The following SLC27A3 variants were observed in gnomAD, a reference collection of about 807,000 sequenced individuals.
The protein encoded by SLC27A3 is long-chain fatty acid transport protein 3.
Under a neutral mutation model 60.1 loss-of-function variants are expected in SLC27A3, and 60 were observed. The observed-to-expected ratio is 1.00, with a 90% CI of 0.81 to 1.24. The LOEUF is 1.24. SLC27A3 is among the 50% of genes most tolerant of loss of function. The probability of loss-of-function intolerance (pLI) is 0.00; values close to 1 mark genes in which losing one functional copy is unlikely to be tolerated. For synonymous variants in SLC27A3, 455 were observed against 409.0 expected, an observed-to-expected ratio of 1.11 and a Z score of -1.36; for missense variants, 1,079 against 929.9, an observed-to-expected ratio of 1.16 and a Z score of -2.09.
Position 153,778,252 on chromosome 1 carries a change from C to T in SLC27A3, c.1253C>T (p.Pro418Leu), listed in dbSNP as rs1673336805. 1 of 1,614,084 alleles carries T rather than the reference C, an allele frequency of 6.2e-7. No homozygotes were observed. The highest frequency in any genetic ancestry group is 1.7e-5 in the Admixed American group (1 of 60,030). ...GAGCGTTTTGTGCGGCGCTTCGGGC[C>T]CCTGCAGGTGCTGGAGACATATGGA... The part of the protein sequence containing the change: ...TWERFVRRFG[P>L]LQVLETYGLT... The change falls in exon 5 of 10, where the codon CCC becomes CTC. Residue 418 changes from proline to leucine, a missense_variant. Pro to Leu is a moderately conservative substitution (Grantham distance 98). Coordinates refer to ENST00000624995, the MANE Select transcript of SLC27A3 (RefSeq NM_024330.4).
At chr1:153,778,052 T>G in intron 4 of SLC27A3, 109 bp from the exon 5 acceptor site, 1 of 1,474,748 alleles carries the variant, frequency 6.8e-7, no homozygotes, top group South Asian at 1.3e-5. Flanking sequence ...TTACGGCCTC[T>G]GAAGGAGGTC....
chr1:153,779,651 C>T (rs1673437747), intron 9 of SLC27A3, 175 bp from the exon 10 acceptor site: 3 of 926,270 alleles, frequency 3.2e-6, no homozygotes, highest in African/African-American at 3.3e-5. Flanking sequence ...CACTTCTTTC[C>T]TTATCCCTGC....
In SLC27A3 at chr1:153,776,535, G is replaced by C; in HGVS notation, c.685G>C (p.Glu229Gln). Residue 229 changes from glutamate (E) to glutamine (Q), a missense_variant, in exon 2 of 10, where the codon GAG becomes CAG. Coordinates refer to ENST00000624995, the MANE Select transcript of SLC27A3 (RefSeq NM_024330.4). ...VLAPEFLESL[E>Q]PDLPALRAMG... ...CCTTCTAGAGTTTCTGGAGTCCCTG[G>C]AGCCGGACCTGCCCGCCCTGAGAGC... The C allele has an allele frequency of 5.6e-6, 9 of 1,613,990 alleles. No individual in the cohort carries two copies. The South Asian group carries it at 8.8e-5, about 16-fold the overall frequency.
chr1:153,778,525 C>T lies in SLC27A3; in HGVS notation c.1419C>T (p.Pro473=), dbSNP rs1168313648. 6.2e-7 allele frequency: 1 copy of T among 1,614,202 alleles called. No individual in the cohort carries two copies. The highest frequency in any genetic ancestry group is 8.5e-7 in the Non-Finnish European group (1 of 1,180,028). The part of the protein sequence containing the change: ...DVTTGEPIRD[P]QGHCMATSPG... ...CCACAGGAGAGCCAATTCGGGACCC[C>T]CAGGGGCACTGTATGGCCACATCTC... Residue 473 remains proline, a synonymous_variant, in exon 6 of 10, where the codon CCC becomes CCT. Transcript: ENST00000624995.
intron 9 of SLC27A3, 53 bp downstream of exon 9, chr1:153,779,526 A>G (rs1384159053): frequency 1.9e-6 from 3 of 1,577,132 alleles, no homozygotes; most frequent in Non-Finnish European, 2.6e-6. Flanking sequence ...CTCACCCCAC[A>G]TATCCACCCC....
rs141869816 is a variant in SLC27A3, at chr1:153,779,170, A to G, written c.1703A>G (p.Asp568Gly). 5.6e-5 allele frequency: 90 copies of G among 1,613,860 alleles called. 1 individual carries two copies. In the Middle Eastern group the frequency reaches 6.6e-4, roughly 12 times the overall value. ...GTGGCAGAGGTCTTCGAGGCCCTAG[A>G]TTTTCTTCAGGAGGTGAACGTCTAT... ...TEVAEVFEAL[D>G]FLQEVNVYGV... The change falls in exon 8 of 10, where the codon GAT becomes GGT. Residue 568 changes from aspartate (D) to glycine (G), a missense_variant. Transcript: ENST00000624995.
Position 153,775,666 on chromosome 1 carries a change from G to C in SLC27A3, c.169G>C (p.Asp57His), listed in dbSNP as rs1268667788. 2 of 1,533,026 alleles carry C rather than the reference G, an allele frequency of 1.3e-6. No homozygotes were observed. The highest frequency in any genetic ancestry group is 2.4e-5 in the South Asian group (2 of 81,674). 95.0% of individuals were successfully genotyped at this position (1,533,026 alleles called of 1,614,324 possible). Residue 57 changes from aspartate to histidine, a missense_variant, in exon 1 of 10, where the codon GAC (aspartate) becomes CAC (histidine). Physicochemically the swap from Asp to His is moderately conservative, Grantham distance 81. Coordinates refer to ENST00000624995, the MANE Select transcript of SLC27A3 (RefSeq NM_024330.4). ...RARALAAAAA[D>H]PEGPEGGCSL... is the part of the protein sequence containing the mutation. ...TCGCGCCCTGGCCGCGGCTGCCGCCGACCCGGAAGGTCCCGAGGGGGGCTG... is the reference window on the plus strand; with the variant it reads ...TCGCGCCCTGGCCGCGGCTGCCGCCCACCCGGAAGGTCCCGAGGGGGGCTG...
At position 153,775,417 on chromosome 1, in the gene SLC27A3, GC is replaced by G; in HGVS notation, c.-78del. 1 of 1,611,618 alleles carries G rather than the reference GC, an allele frequency of 6.2e-7. No individual in the cohort carries two copies. ...GGAGAAGTCTCAGCTAGAACGAGCG[GC>G]CCTAGGTTTTCGGAAGGGAGGATCA... On this transcript the variant is annotated 5_prime_UTR_variant, in exon 1 of 10. Coordinates refer to ENST00000624995, the MANE Select transcript of SLC27A3 (RefSeq NM_024330.4).
chr1:153,777,714 T>C lies in SLC27A3; in HGVS notation c.1037-47T>C, dbSNP rs78068650. 8.1e-3 allele frequency: 13,074 copies of C among 1,607,394 alleles called. 924 individuals carry two copies. The African/African-American group carries it at 0.15, about 19-fold the overall frequency. ...AAAGAGGGGCTTGGGCTCCCCACTCTGCTCCTAATCTTACCTCCCTTCTTC... is the reference window on the plus strand; with the variant it reads ...AAAGAGGGGCTTGGGCTCCCCACTCCGCTCCTAATCTTACCTCCCTTCTTC... On this transcript the variant is annotated intron_variant, in intron 3 of 9. Transcript: ENST00000624995.
chr1:153,779,435 T>C lies in SLC27A3; in HGVS notation c.1837T>C (p.Leu613=). 6.2e-7 allele frequency: 1 copy of C among 1,613,916 alleles called. No individual in the cohort carries two copies. The highest frequency in any genetic ancestry group is 1.1e-5 in the South Asian group (1 of 91,072). ...GCTCTACACCCACGTGTCTGAGAAC[T>C]TGCCACCTTATGCCCGGCCCCGATT... ...MQLYTHVSEN[L]PPYARPRFLR... The change falls in exon 9 of 10, where the codon TTG becomes CTG. Residue 613 remains leucine, a synonymous_variant. Transcript: ENST00000624995.
Position 153,779,457 on chromosome 1 carries a change from G to A in SLC27A3, c.1859G>A (p.Arg620Gln), listed in dbSNP as rs373742297. 120 of 1,613,114 alleles carry A rather than the reference G, an allele frequency of 7.4e-5. No homozygotes were observed. The highest frequency in any genetic ancestry group is 4.0e-4 in the East Asian group (18 of 44,880). ...SENLPPYARP[R>Q]FLRLQESLAT... ...AACTTGCCACCTTATGCCCGGCCCC[G>A]ATTCCTCAGGCTCCAGGTAACCGGC... Residue 620 changes from arginine to glutamine, a missense_variant, in exon 9 of 10, where the codon CGA (arginine) becomes CAA (glutamine). Physicochemically the swap from Arg to Gln is conservative, Grantham distance 43. Coordinates refer to ENST00000624995, the MANE Select transcript of SLC27A3 (RefSeq NM_024330.4).
At chr1:153,777,624 C>T in intron 3 of SLC27A3, 137 bp from the exon 4 acceptor site, 1 of 1,149,718 alleles carries the variant, frequency 8.7e-7, no homozygotes, top group Non-Finnish European at 1.3e-6. Context: ...GCACGGCTTC[C>T]TGACGGTGTG....
In SLC27A3 at chr1:153,778,858, T is replaced by A. The variant is rs1570902560; in HGVS notation, c.1619T>A (p.Phe540Tyr). 6.2e-7 allele frequency: 1 copy of A among 1,614,170 alleles called. No homozygotes were observed. The highest frequency in any genetic ancestry group is 2.2e-5 in the East Asian group (1 of 44,888). The change falls in exon 7 of 10, where the codon TTC (phenylalanine) becomes TAC (tyrosine). Residue 540 changes from phenylalanine to tyrosine, a missense_variant. By Grantham distance (22) the Phe-to-Tyr change is conservative. Coordinates refer to ENST00000624995, the MANE Select transcript of SLC27A3 (RefSeq NM_024330.4). ...TGCGATGACCAAGGTTTTCTCCGCT[T>A]CCATGATCGTACTGGAGACACCTTC... is the stretch of plus-strand genomic sequence containing the variant. ...LVCDDQGFLR[F>Y]HDRTGDTFRW...
intron 8 of SLC27A3, 35 bp from the exon 9 acceptor site, chr1:153,779,308 A>G (rs578026087): frequency 6.2e-7 from 1 of 1,613,696 alleles, no homozygotes; most frequent in Non-Finnish European, 8.5e-7. Context: ...GTGGTCAGCC[A>G]TGGAGGGGCT....
chr1:153,777,319 G>C, intron 3 of SLC27A3, 99 bp downstream of exon 3: 3 of 1,418,438 alleles, frequency 2.1e-6, no homozygotes, highest in East Asian at 4.6e-5. Context: ...TCTAGAGGAC[G>C]GATGGGGCAG....
Position 153,778,239 on chromosome 1 carries a change from C to G in SLC27A3, c.1240C>G (p.Arg414Gly), listed in dbSNP as rs182081931. Residue 414 changes from arginine (R) to glycine (G), a missense_variant, in exon 5 of 10, where the codon CGG (arginine) becomes GGG (glycine). Physicochemically the swap from Arg to Gly is moderately radical, Grantham distance 125. Transcript: ENST00000624995. The stretch of plus-strand genomic sequence containing the variant: ...CCCAGATACCTGGGAGCGTTTTGTG[C>G]GGCGCTTCGGGCCCCTGCAGGTGCT... ...LRPDTWERFVRRFGPLQVLET... is the reference protein window; with the variant it reads ...LRPDTWERFVGRFGPLQVLET... 17 of 1,613,712 alleles carry G rather than the reference C, an allele frequency of 1.1e-5. No individual in the cohort carries two copies. In the Admixed American group the frequency reaches 2.5e-4, roughly 24 times the overall value.
In SLC27A3 at chr1:153,776,629, A is replaced by C. The variant is rs1391249370; in HGVS notation, c.779A>C (p.Glu260Ala). 5.0e-6 allele frequency: 8 copies of C among 1,614,064 alleles called. No individual in the cohort carries two copies. The East Asian group carries it at 1.8e-4, about 36-fold the overall frequency. Residue 260 changes from glutamate to alanine, a missense_variant, in exon 2 of 10, where the codon GAA (glutamate) becomes GCA (alanine). Transcript: ENST00000624995. ...HPAGISDLLA[E>A]VSAEVDGPVP... The stretch of plus-strand genomic sequence containing the variant: ...GCTGGAATTAGCGATTTGCTGGCTG[A>C]AGTGTCCGCTGAAGTGGATGGGCCA...
At position 153,779,382 on chromosome 1, in the gene SLC27A3, G is replaced by A. The variant is rs772337443; in HGVS notation, c.1784G>A (p.Arg595His). 86 of 1,613,956 alleles carry A rather than the reference G, an allele frequency of 5.3e-5. 1 individual carries two copies. The highest frequency in any genetic ancestry group is 6.7e-5 in the East Asian group (3 of 44,868). ...GCTGGAATGGCAGCCCTAGTTCTGCGTCCCCCCCACGCTTTGGACCTTATG... is the reference window on the plus strand; with the variant it reads ...GCTGGAATGGCAGCCCTAGTTCTGCATCCCCCCCACGCTTTGGACCTTATG... The part of the protein sequence containing the change: ...GRAGMAALVL[R>H]PPHALDLMQL... Residue 595 changes from arginine to histidine, a missense_variant, in exon 9 of 10, where the codon CGT becomes CAT. Arg to His is a conservative substitution (Grantham distance 29). Coordinates refer to ENST00000624995, the MANE Select transcript of SLC27A3 (RefSeq NM_024330.4).
Position 153,776,137 on chromosome 1 carries a change from GGC to G in SLC27A3, c.651_652del (p.Leu218GlyfsTer37), listed in dbSNP as rs754136629. The G allele has an allele frequency of 2.5e-4, 355 of 1,430,474 alleles. 1 individual carries two copies. The highest frequency in any genetic ancestry group is 9.2e-4 in the South Asian group (62 of 67,188). The allele number at this position is 1,430,474 out of a possible 1,614,324, so 88.6% of individuals were successfully genotyped here. ...GPLLHCLRSC[G>X]ARALVLAPEF... ...CCTGCTGCACTGCCTCCGCAGCTGCGGCGCGCGCGCGCTGGTGCTGGCGCCAG... is the reference window on the plus strand; with the variant it reads ...CCTGCTGCACTGCCTCCGCAGCTGCGGCGCGCGCGCTGGTGCTGGCGCCAG... On this transcript the variant is annotated frameshift_variant, in exon 1 of 10. Coordinates refer to ENST00000624995, the MANE Select transcript of SLC27A3 (RefSeq NM_024330.4). LOFTEE classifies it high-confidence loss of function.
Sources: gnomAD v4.1 joint callset for allele counts on GRCh38, gnomAD v4.1.1 for gene constraint, MANE v1.5 for transcripts, NCBI Gene and HGNC (gene_info 2026-07-23, HGNC 2026-07-21) for gene names.